The following SCN3A variants were observed in gnomAD, a reference collection of about 807,000 sequenced individuals.
SCN3A encodes sodium voltage-gated channel alpha subunit 3.
In SCN3A, 60 loss-of-function variants were observed where a neutral mutation model predicts 187.6. The ratio of observed to expected loss-of-function variants is 0.32; its 90% CI spans 0.26 to 0.40. The LOEUF is 0.40. Ranked by LOEUF, SCN3A falls within the 10% of genes least tolerant of loss-of-function variation. SCN3A has a pLI of 1.00. For missense variants in SCN3A, 1,601 were observed against 2,428.2 expected (o/e 0.66, Z 7.16); for synonymous variants, 788 against 829.2 (o/e 0.95, Z 0.85).
intron 5 of SCN3A, 140 bp downstream of exon 5, chr2:165,168,596 C>A: frequency 1.4e-6 from 1 of 692,518 alleles, no homozygotes; most frequent in Non-Finnish European, 2.6e-6. Flanking sequence ...CCCCAAAGAA[C>A]TTCCCTTATC....
At chr2:165,098,706 A>C (rs1685471521) in intron 22 of SCN3A, among the ~76,000 whole-genome samples, 1 of 152,204 alleles carries the variant, frequency 6.6e-6, no homozygotes, top group Non-Finnish European at 1.5e-5. Context: ...TTTGGTACAC[A>C]CCACCACAGG....
intron 15 of SCN3A, among the ~76,000 whole-genome samples, chr2:165,134,845 T>C (rs1173075995): frequency 1.3e-5 from 2 of 152,056 alleles, no homozygotes; most frequent in Non-Finnish European, 2.9e-5. Flanking sequence ...GTAAATAATC[T>C]ACAAATATCT....
chr2:165,156,529 A>G (rs1416736589), intron 9 of SCN3A, among the ~76,000 whole-genome samples: 1 of 141,518 alleles, frequency 7.1e-6, no homozygotes, highest in African/African-American at 2.7e-5. Flanking sequence ...AAAAAAAAAA[A>G]AAAAAAAAAA....
chr2:165,166,026 GT>G (rs2105899263), intron 5 of SCN3A, among the ~76,000 whole-genome samples: 1 of 152,270 alleles, frequency 6.6e-6, no homozygotes, highest in African/African-American at 2.4e-5. Flanking sequence ...TGATATTTCT[GT>G]CTGTAGAGAT....
chr2:165,164,877 G>A (rs1024273074), intron 5 of SCN3A, among the ~76,000 whole-genome samples: 10 of 152,144 alleles, frequency 6.6e-5, no homozygotes, highest in African/African-American at 1.9e-4. Context: ...AGTAGCAAGC[G>A]AAAAGATGAG....
At chr2:165,198,252 A>C in intron 1 of SCN3A, among the ~76,000 whole-genome samples, 1 of 152,006 alleles carries the variant, frequency 6.6e-6, no homozygotes, top group Admixed American at 6.6e-5. Flanking sequence ...AGAAAACTAG[A>C]AATCAAGAAG....
chr2:165,197,843 A>G (rs1692063161), intron 1 of SCN3A, among the ~76,000 whole-genome samples: 1 of 151,966 alleles, frequency 6.6e-6, no homozygotes, highest in South Asian at 2.1e-4. Flanking sequence ...AATTTTTGGT[A>G]TAAATATAAA....
intron 18 of SCN3A, among the ~76,000 whole-genome samples, chr2:165,116,852 T>C (rs1686389780): frequency 6.6e-6 from 1 of 152,060 alleles, no homozygotes; most frequent in Non-Finnish European, 1.5e-5. Flanking sequence ...AATACAGTTT[T>C]TTAGTAGAGT....
chr2:165,113,671 C>T, intron 20 of SCN3A, 145 bp downstream of exon 20: 1 of 818,506 alleles, frequency 1.2e-6, no homozygotes, highest in South Asian at 1.5e-5. Flanking sequence ...CTGAATTTTG[C>T]ATCGTTAAAC....
At chr2:165,096,575 T>G in intron 23 of SCN3A, 55 bp from the exon 24 acceptor site, 1 of 1,274,296 alleles carries the variant, frequency 7.8e-7, no homozygotes, top group Non-Finnish European at 1.1e-6. Flanking sequence ...ACAATGACAT[T>G]TAACCAGATG....
Position 165,161,203 on chromosome 2 carries a change from T to G in SCN3A, c.1031+1105A>C, listed in dbSNP as rs572611241. Among the ~76,000 whole-genome samples, 63 of 146,504 alleles carry G rather than the reference T, an allele frequency of 4.3e-4. No homozygotes were observed. The South Asian group carries it at 5.5e-3, about 13-fold the overall frequency. On this transcript the variant is annotated intron_variant, in intron 9 of 27. Coordinates refer to ENST00000283254, the MANE Select transcript of SCN3A (RefSeq NM_006922.4). ...GGTCTTGCTTTGTTGCTTAGGCTGG[T>G]ACATACAATAAATTCTTACAATTGT...
intron 11 of SCN3A, among the ~76,000 whole-genome samples, chr2:165,153,715 A>T (rs1403745426): frequency 6.6e-6 from 1 of 152,162 alleles, no homozygotes; most frequent in African/African-American, 2.4e-5. Context: ...AAGACTGGCC[A>T]TACCAAATGT....
At position 165,176,359 on chromosome 2, in the gene SCN3A, T is replaced by C. The variant is rs1410638154; in HGVS notation, c.36A>G (p.Glu12=). ...ATTCTCTAGTAAAAAGGCGGAAGCT[T>C]TCAGGTCCTGGGGGTACCAACAGTG... ...AQALLVPPGP[E]SFRLFTRESL... is the part of the protein sequence containing the mutation. Residue 12 remains glutamate, a synonymous_variant, in exon 3 of 28, where the codon GAA becomes GAG. Transcript: ENST00000283254. 1.2e-6 allele frequency: 2 copies of C among 1,613,956 alleles called. No individual in the cohort carries two copies. Among genetic ancestry groups the C allele is most frequent in the African/African-American group, 1.3e-5 (1 of 74,910 alleles).
intron 5 of SCN3A, among the ~76,000 whole-genome samples, chr2:165,167,627 CTA>C (rs1387639877): frequency 6.6e-6 from 1 of 152,022 alleles, no homozygotes; most frequent in Non-Finnish European, 1.5e-5. Flanking sequence ...TCACTAAAAA[CTA>C]TGTTTCTTTG....
chr2:165,105,094 A>T (rs1685782137), intron 21 of SCN3A, among the ~76,000 whole-genome samples: 1 of 152,182 alleles, frequency 6.6e-6, no homozygotes, highest in Admixed American at 6.5e-5. Context: ...TTGCTCAAAA[A>T]CAGAGGGGCA....
chr2:165,168,856 A>C, intron 4 of SCN3A, 31 bp from the exon 5 acceptor site: 1 of 1,465,444 alleles, frequency 6.8e-7, no homozygotes, highest in African/African-American at 1.4e-5. Flanking sequence ...AAATGTTAGT[A>C]GGTTACCATG....
intron 27 of SCN3A, chr2:165,091,797 T>C (rs1280468337): frequency 1.5e-5 from 4 of 267,906 alleles, no homozygotes; most frequent in African/African-American, 6.8e-5. Context: ...CATCTCTCTT[T>C]TTCTCCTACT....
chr2:165,094,953 A>G (rs1453671873), intron 25 of SCN3A, among the ~76,000 whole-genome samples: 2 of 152,178 alleles, frequency 1.3e-5, no homozygotes, highest in Non-Finnish European at 2.9e-5. Flanking sequence ...AAAAAATTAA[A>G]TGTACTGCAG....
At chr2:165,190,806 A>G (rs1691552321) in intron 1 of SCN3A, among the ~76,000 whole-genome samples, 1 of 151,702 alleles carries the variant, frequency 6.6e-6, no homozygotes, top group South Asian at 2.1e-4. Flanking sequence ...GAAGCACTGT[A>G]TCCTAACATT....
Sources: gnomAD v4.1 joint callset for allele counts (sites outside exome capture counted in the v4.1 genomes callset) on GRCh38, gnomAD v4.1.1 for gene constraint, MANE v1.5 for transcripts, NCBI Gene and HGNC (gene_info 2026-07-23, HGNC 2026-07-21) for gene names.